PTPRS: variants seen among roughly 807,000 people sequenced by gnomAD.
PTPRS encodes protein tyrosine phosphatase receptor type S.
PTPRS carries 63 observed loss-of-function variants against 215.3 expected under a neutral mutation model. That is an observed-to-expected ratio of 0.29 (90% confidence interval 0.24 to 0.36). The LOEUF (loss-of-function observed/expected upper bound fraction) is 0.36, where lower values mean the gene tolerates loss of function less well. PTPRS is among the 10% of genes least tolerant of loss of function. PTPRS has a pLI of 1.00. For synonymous variants in PTPRS, 1,404 were observed against 1,191.4 expected (o/e 1.18, Z -3.68); for missense variants, 2,258 against 2,825.8 (o/e 0.80, Z 4.56).
In PTPRS at chr19:5,302,447, T is replaced by A. The variant is rs537411517; in HGVS notation, c.-94-16213A>T. 2.0e-5 allele frequency among the ~76,000 whole-genome samples: 3 copies of A among 152,250 alleles called. No individual in the cohort carries two copies. The South Asian group carries it at 6.2e-4, about 32-fold the overall frequency. ...GAAACTAATTCAACAGTATCGCATA[T>A]CTCTAAGGAAGACCCAAAAGATTCT... On this transcript the variant is annotated intron_variant, in intron 1 of 37. Coordinates refer to ENST00000262963, the MANE Select transcript of PTPRS (RefSeq NM_002850.4).
chr19:5,304,972 A>T (rs2049431693), intron 1 of PTPRS, among the ~76,000 whole-genome samples: 1 of 151,580 alleles, frequency 6.6e-6, no homozygotes, highest in Admixed American at 6.6e-5. Flanking sequence ...GGGGTGGCAG[A>T]ACTTCCCACT....
At chr19:5,258,200 A>G (rs1370026739) in intron 7 of PTPRS, 73 bp from the exon 8 acceptor site, 1 of 1,285,680 alleles carries the variant, frequency 7.8e-7, no homozygotes, top group Non-Finnish European at 1.1e-6. Context: ...CTCCCCCACC[A>G]GAGTGCTCTC....
In PTPRS at chr19:5,287,902, G is replaced by A. The variant is rs1009239923; in HGVS notation, c.-94-1668C>T. Among the ~76,000 whole-genome samples the A allele has an allele frequency of 1.3e-5, 2 of 150,166 alleles. No homozygotes were observed. The highest frequency in any genetic ancestry group is 6.7e-5 in the Admixed American group (1 of 14,926). On this transcript the variant is annotated intron_variant, in intron 1 of 37. Transcript: ENST00000262963. The surrounding 1 kb of genome is among the most constrained non-coding windows in gnomAD (Gnocchi z 4.8). ...ACCGACACACAGTCAGACTGCAAGC[G>A]GTTGCATATCTGCAAGAGACACAGA... is the stretch of plus-strand genomic sequence containing the variant.
chr19:5,309,391 T>C (rs891143060), intron 1 of PTPRS, among the ~76,000 whole-genome samples: 1 of 152,206 alleles, frequency 6.6e-6, no homozygotes, highest in African/African-American at 2.4e-5. Context: ...TCTAAGTGCT[T>C]GACGCATATT....
At position 5,339,560 on chromosome 19, in the gene PTPRS, T is replaced by C. The variant is rs2050618225; in HGVS notation, c.-95+1104A>G. Among the ~76,000 whole-genome samples, 1 of 150,998 alleles carries C rather than the reference T, an allele frequency of 6.6e-6. No individual in the cohort carries two copies. Among genetic ancestry groups the C allele is most frequent in the Admixed American group, 6.6e-5 (1 of 15,222 alleles). On this transcript the variant is annotated intron_variant, in intron 1 of 37. Coordinates refer to ENST00000262963, the MANE Select transcript of PTPRS (RefSeq NM_002850.4). The surrounding 1 kb of genome is among the most constrained non-coding windows in gnomAD (Gnocchi z 4.2). ...GAATTGGTGGGAAATGTCCAGGATT[T>C]GTAGGGGGAGGTCCGAAGGGGAGGA...
In PTPRS at chr19:5,239,009, T is replaced by G. The variant is rs772920152; in HGVS notation, c.1759A>C (p.Asn587His). The change falls in exon 13 of 38, where the codon AAC (asparagine) becomes CAC (histidine). Residue 587 changes from asparagine to histidine, a missense_variant. Coordinates refer to ENST00000262963, the MANE Select transcript of PTPRS (RefSeq NM_002850.4). ...GCCAGGCGGAAGGCGTACTCCGTGT[T>G]GGGCTTCAGGTCCTCCACCACGTAG... ...TSYVVEDLKPNTEYAFRLAAR... is the reference protein window; with the variant it reads ...TSYVVEDLKPHTEYAFRLAAR... 9.9e-6 allele frequency: 16 copies of G among 1,613,380 alleles called. No homozygotes were observed. Among genetic ancestry groups the G allele is most frequent in the African/African-American group, 1.3e-5 (1 of 74,836 alleles).
intron 10 of PTPRS, 59 bp downstream of exon 10, chr19:5,245,717 A>C (rs2044424226): frequency 1.3e-6 from 2 of 1,504,108 alleles, no homozygotes; most frequent in African/African-American, 2.8e-5. Flanking sequence ...CCTGTGCCTG[A>C]AGTCGGGGAT....
rs377204712 is a variant in PTPRS, at chr19:5,273,352, G to T, written c.379+90C>A. The T allele has an allele frequency of 2.5e-6, 4 of 1,584,716 alleles. No homozygotes were observed. The African/African-American group carries it at 4.0e-5, about 16-fold the overall frequency. On this transcript the variant is annotated intron_variant, in intron 4 of 37. Transcript: ENST00000262963. ...CTCCCAAAAAACACAAAGCAGGAGG[G>T]TTTGGGGTAACTTTCATGTATTCCT...
chr19:5,221,641 C>T (rs1451862048), intron 19 of PTPRS, among the ~76,000 whole-genome samples: 3 of 152,142 alleles, frequency 2.0e-5, no homozygotes, highest in African/African-American at 7.2e-5. Flanking sequence ...GAGACCTGAT[C>T]CTAGACTGAT....
rs562023064 is a variant in PTPRS at position 5,262,645 on chromosome 19, C to T, written c.577+319G>A. On this transcript the variant is annotated intron_variant, in intron 6 of 37. Coordinates refer to ENST00000262963, the MANE Select transcript of PTPRS (RefSeq NM_002850.4). ...TGTTAGGTGCGAAGTTCCATGAGCCCGAGGATGCCTCTGAACCCCCCTCAG... is the reference window on the plus strand; with the variant it reads ...TGTTAGGTGCGAAGTTCCATGAGCCTGAGGATGCCTCTGAACCCCCCTCAG... 3.9e-5 allele frequency among the ~76,000 whole-genome samples: 6 copies of T among 152,284 alleles called. No homozygotes were observed. In the East Asian group the frequency reaches 7.7e-4, roughly 20 times the overall value.
chr19:5,225,024 CTT>C (rs1407154885), intron 17 of PTPRS, among the ~76,000 whole-genome samples: 1 of 151,946 alleles, frequency 6.6e-6, no homozygotes, highest in Non-Finnish European at 1.5e-5. Flanking sequence ...CCCCCCAAGT[CTT>C]TTTCTGGGCT....
rs1599966166 is a variant in PTPRS, at chr19:5,287,211, A to G, written c.-94-977T>C. ...CCTGGAATGCTGTCCCCACCACATGACAGGTCTCAGCTTAGCTGTCACTTC... is the reference window on the plus strand; with the variant it reads ...CCTGGAATGCTGTCCCCACCACATGGCAGGTCTCAGCTTAGCTGTCACTTC... On this transcript the variant is annotated intron_variant, in intron 1 of 37. Transcript: ENST00000262963. This position sits in a 1 kb window ranked among gnomAD's most constrained non-coding sequence, Gnocchi z 4.8. Among the ~76,000 whole-genome samples, 2 of 152,164 alleles carry G rather than the reference A, an allele frequency of 1.3e-5. No individual in the cohort carries two copies. The highest frequency in any genetic ancestry group is 1.3e-4 in the Admixed American group (2 of 15,278).
intron 8 of PTPRS, 121 bp from the exon 9 acceptor site, chr19:5,256,240 G>GTTTT: frequency 5.5e-6 from 3 of 548,156 alleles, no homozygotes; most frequent in Non-Finnish European, 8.4e-6. Context: ...ATAGTTTGTT[G>GTTTT]TTTTTTTTTT....
chr19:5,327,940 C>T (rs1205719020), intron 1 of PTPRS, among the ~76,000 whole-genome samples: 1 of 152,142 alleles, frequency 6.6e-6, no homozygotes, highest in African/African-American at 2.4e-5. Context: ...AACCACTGTA[C>T]ACTTTCTGGG....
At position 5,209,988 on chromosome 19, in the gene PTPRS, T is replaced by A. The variant is rs1167249079; in HGVS notation, c.5487+481A>T. Among the ~76,000 whole-genome samples, 2 of 152,192 alleles carry A rather than the reference T, an allele frequency of 1.3e-5. 1 individual carries two copies. The highest frequency in any genetic ancestry group is 2.9e-5 in the Non-Finnish European group (2 of 68,046). The stretch of plus-strand genomic sequence containing the variant: ...CAGGGCCACCTTCCACTATGAGTCT[T>A]CATCTGTTGCCACCTAATACCTGGC... On this transcript the variant is annotated intron_variant, in intron 35 of 37. Transcript: ENST00000262963.
intron 35 of PTPRS, 129 bp from the exon 36 acceptor site, chr19:5,208,520 C>T (rs774787840): frequency 4.6e-5 from 46 of 1,005,964 alleles, no homozygotes; most frequent in Middle Eastern, 2.2e-4. Context: ...TCACTCTTGT[C>T]GCCCAGGTTG....
Position 5,222,725 on chromosome 19 carries a change from G to T in PTPRS, c.3067C>A (p.Pro1023Thr), listed in dbSNP as rs752821383. The T allele has an allele frequency of 5.0e-5, 80 of 1,596,200 alleles. No individual in the cohort carries two copies. The highest frequency in any genetic ancestry group is 8.4e-5 in the Admixed American group (5 of 59,554). Residue 1023 changes from proline (P) to threonine (T), a missense_variant, in exon 18 of 38, where the codon CCC becomes ACC. Coordinates refer to ENST00000262963, the MANE Select transcript of PTPRS (RefSeq NM_002850.4). Reference sequence around the variant, plus strand: ...AGGAACGTCCGGTAGCGGACGGGGGGGCTGAAGGGGCCAGGGCCCCGGCGC... The same window carrying T: ...AGGAACGTCCGGTAGCGGACGGGGGTGCTGAAGGGGCCAGGGCCCCGGCGC... ...HTRRGPGPFSPPVRYRTFLRD... is the reference protein window; with the variant it reads ...HTRRGPGPFSTPVRYRTFLRD...
At chr19:5,285,015 G>A (rs2048224054) in intron 2 of PTPRS, among the ~76,000 whole-genome samples, 1 of 152,130 alleles carries the variant, frequency 6.6e-6, no homozygotes, top group African/African-American at 2.4e-5. Context: ...ATGAGGCAGG[G>A]GTGTATGTCT....
chr19:5,258,168 G>GC, intron 7 of PTPRS, 41 bp from the exon 8 acceptor site: 1 of 1,529,742 alleles, frequency 6.5e-7, no homozygotes, highest in Non-Finnish European at 9.1e-7. Flanking sequence ...TTAGAGGGGG[G>GC]CCCAGGAGTG....
Sources: allele counts gnomAD v4.1 joint callset (sites outside exome capture counted in the v4.1 genomes callset), GRCh38; gene constraint gnomAD v4.1.1; non-coding constraint Gnocchi (gnomAD v3.1); transcripts MANE v1.5; gene names NCBI Gene and HGNC (gene_info 2026-07-23, HGNC 2026-07-21).